ARHGAP39: variants seen among roughly 807,000 people sequenced by gnomAD.
ARHGAP39 encodes the protein rho GTPase-activating protein 39.
A neutral mutation model predicts 106.9 loss-of-function variants in ARHGAP39; 44 were observed. That is an observed-to-expected ratio of 0.41 (90% CI 0.32 to 0.53). ARHGAP39 has a LOEUF of 0.53. Ranked by LOEUF, ARHGAP39 falls within the 20% of genes least tolerant of loss-of-function variation. The pLI is 0.21. For missense variants in ARHGAP39, 1,496 were observed against 1,577.3 expected, an observed-to-expected ratio of 0.95 and a Z score of 0.87; for synonymous variants, 768 against 693.2, an observed-to-expected ratio of 1.11 and a Z score of -1.69.
chr8:144,628,866 C>A lies in ARHGAP39; in HGVS notation c.-81-23171G>T, dbSNP rs149469134. Among the ~76,000 whole-genome samples the A allele has an allele frequency of 6.5e-3, 992 of 152,336 alleles. 10 individuals are homozygous for A. Among genetic ancestry groups the A allele is most frequent in the African/African-American group, 0.023 (951 of 41,576 alleles). ...CCGCTGTGCCTGGGCGGGACTCATGCGATTCTTGTGATGGCAGGCGTGTCT... is the reference window on the plus strand; with the variant it reads ...CCGCTGTGCCTGGGCGGGACTCATGAGATTCTTGTGATGGCAGGCGTGTCT... On this transcript the variant is annotated intron_variant, in intron 1 of 11. Coordinates refer to ENST00000377307, the MANE Select transcript of ARHGAP39 (RefSeq NM_025251.3).
At chr8:144,556,929 T>G (rs1341531676) in intron 3 of ARHGAP39, among the ~76,000 whole-genome samples, 1 of 138,808 alleles carries the variant, frequency 7.2e-6, no homozygotes, top group Non-Finnish European at 1.5e-5. Flanking sequence ...CTTCATAGTA[T>G]TCAGAGGCAA....
At chr8:144,554,307 G>T (rs1033002879) in intron 4 of ARHGAP39, among the ~76,000 whole-genome samples, 2 of 152,206 alleles carry the variant, frequency 1.3e-5, no homozygotes, top group African/African-American at 4.8e-5. Flanking sequence ...GCTTAGCTCA[G>T]CGACCCACCC....
At chr8:144,592,933 C>T (rs529878792) in intron 2 of ARHGAP39, among the ~76,000 whole-genome samples, 13 of 152,168 alleles carry the variant, frequency 8.5e-5, no homozygotes, top group Non-Finnish European at 1.3e-4. Flanking sequence ...CTCGGCCCTC[C>T]ACCACAGAGG....
intron 3 of ARHGAP39, among the ~76,000 whole-genome samples, chr8:144,566,727 C>T (rs202183005): frequency 4.6e-5 from 7 of 151,970 alleles, no homozygotes; most frequent in Middle Eastern, 3.4e-3. Context: ...TGGTGGTGTG[C>T]GCCTGTAATC....
chr8:144,564,874 A>G (rs965709229), intron 3 of ARHGAP39, among the ~76,000 whole-genome samples: 1 of 151,794 alleles, frequency 6.6e-6, no homozygotes, highest in African/African-American at 2.4e-5. Context: ...TGGGAGGCCA[A>G]GATGGGGGCG....
chr8:144,603,015 G>C (rs1472728404), intron 2 of ARHGAP39, among the ~76,000 whole-genome samples: 1 of 136,538 alleles, frequency 7.3e-6, no homozygotes, highest in Non-Finnish European at 1.5e-5. Flanking sequence ...GTGTGTGCGA[G>C]CTCATGTATC....
At chr8:144,685,041 C>A (rs1822542993) in intron 1 of ARHGAP39, among the ~76,000 whole-genome samples, 5 of 152,150 alleles carry the variant, frequency 3.3e-5, no homozygotes, top group Admixed American at 2.6e-4. Flanking sequence ...GCGGCCGGTG[C>A]CCCGAGCTCA....
chr8:144,588,250 T>C, intron 2 of ARHGAP39, among the ~76,000 whole-genome samples: 1 of 152,180 alleles, frequency 6.6e-6, no homozygotes, highest in East Asian at 1.9e-4. Flanking sequence ...CCCCGAGGGC[T>C]CCTGAGCACG....
chr8:144,537,159 T>C (rs972498733), intron 7 of ARHGAP39, among the ~76,000 whole-genome samples: 2 of 145,470 alleles, frequency 1.4e-5, no homozygotes, highest in African/African-American at 5.1e-5. Context: ...GGTAGAGAGG[T>C]GGAAGCTGTG....
intron 7 of ARHGAP39, among the ~76,000 whole-genome samples, chr8:144,534,525 C>T (rs375958859): frequency 1.6e-4 from 25 of 152,330 alleles, no homozygotes; most frequent in East Asian, 7.7e-4. Flanking sequence ...GCTCCCTCCC[C>T]GGGGCCTGAC....
intron 4 of ARHGAP39, 73 bp downstream of exon 4, chr8:144,555,487 C>T: frequency 3.8e-6 from 5 of 1,318,346 alleles, no homozygotes; most frequent in Non-Finnish European, 4.4e-6. Flanking sequence ...GCACCTCCCA[C>T]TTGCAGTTAG....
At chr8:144,546,915 C>T (rs1156341318) in intron 5 of ARHGAP39, among the ~76,000 whole-genome samples, 1 of 152,236 alleles carries the variant, frequency 6.6e-6, no homozygotes, top group Non-Finnish European at 1.5e-5. Context: ...GAACGCCCAG[C>T]AGCCCACACC....
At position 144,547,309 on chromosome 8, in the gene ARHGAP39, G is replaced by A. The variant is rs762776968; in HGVS notation, c.1777C>T (p.Leu593=). 1.2e-6 allele frequency: 2 copies of A among 1,610,664 alleles called. No homozygotes were observed. Among genetic ancestry groups the A allele is most frequent in the African/African-American group, 2.7e-5 (2 of 74,918 alleles). The change falls in exon 5 of 12, where the codon CTG becomes TTG. Residue 593 remains leucine (L), a synonymous_variant. Transcript: ENST00000377307. This position sits in a 1 kb window ranked among gnomAD's most constrained non-coding sequence, Gnocchi z 5.2. ...CGCACCACCGGCCCGGGCATGGGCA[G>A]TGGCAGGGCGCCGTCGCTCTCGTAG... ...SGYESDGALP[L]PMPGPVVRAF... is the part of the protein sequence containing the mutation.
Position 144,604,179 on chromosome 8 carries a change from C to A in ARHGAP39, c.80+1356G>T, listed in dbSNP as rs531498396. Among the ~76,000 whole-genome samples, 1 of 152,272 alleles carries A rather than the reference C, an allele frequency of 6.6e-6. No homozygotes were observed. Among genetic ancestry groups the A allele is most frequent in the South Asian group, 2.1e-4 (1 of 4,820 alleles). ...CAGACACGGAGCCGGGCCCAGAGCG[C>A]CCAGAGGTGGCCGGGAGGCAGCAGC... On this transcript the variant is annotated intron_variant, in intron 2 of 11. Coordinates refer to ENST00000377307, the MANE Select transcript of ARHGAP39 (RefSeq NM_025251.3). The surrounding 1 kb of genome is among the most constrained non-coding windows in gnomAD (Gnocchi z 4.1).
Position 144,650,144 on chromosome 8 carries a change from G to GA in ARHGAP39, c.-82+35541dup, listed in dbSNP as rs1013543752. On this transcript the variant is annotated intron_variant, in intron 1 of 11. Transcript: ENST00000377307. Reference sequence around the variant, plus strand: ...GGCAATAGAGCAAGACTCTGTCTTGGAAAAAAAAAGAAAAAAAAAATTCCT... The same window carrying GA: ...GGCAATAGAGCAAGACTCTGTCTTGGAAAAAAAAAAGAAAAAAAAAATTCCT... Among the ~76,000 whole-genome samples, 30 of 146,702 alleles carry GA rather than the reference G, an allele frequency of 2.0e-4. No individual in the cohort carries two copies. The East Asian group carries it at 4.3e-3, about 21-fold the overall frequency.
intron 1 of ARHGAP39, among the ~76,000 whole-genome samples, chr8:144,663,421 A>G (rs1270616441): frequency 1.3e-5 from 2 of 152,110 alleles, no homozygotes; most frequent in Non-Finnish European, 2.9e-5. Flanking sequence ...ACAGCTCTCA[A>G]GGGAACTGAG....
chr8:144,597,124 G>A (rs1819651970), intron 2 of ARHGAP39, among the ~76,000 whole-genome samples: 1 of 152,216 alleles, frequency 6.6e-6, no homozygotes, highest in Non-Finnish European at 1.5e-5. Flanking sequence ...CTGGCTGACT[G>A]CCTGTGGAGC....
intron 1 of ARHGAP39, among the ~76,000 whole-genome samples, chr8:144,640,381 G>A (rs940218174): frequency 1.2e-4 from 18 of 152,120 alleles, no homozygotes; most frequent in Admixed American, 2.0e-4. Context: ...TGCTGTTTTC[G>A]TGATAGTGAA....
At chr8:144,697,712 G>A in the ARHGAP39 span, among the ~76,000 whole-genome samples, 3,719 of 151,964 alleles carry the variant, frequency 0.024, 432 homozygotes, top group East Asian at 0.36. Context: ...GGCTGGTCTC[G>A]AACTCCTGAC....
Sources: gnomAD v4.1 joint callset for allele counts (sites outside exome capture counted in the v4.1 genomes callset) on GRCh38, gnomAD v4.1.1 for gene constraint, Gnocchi (gnomAD v3.1) non-coding constraint, MANE v1.5 for transcripts, NCBI Gene and HGNC (gene_info 2026-07-23, HGNC 2026-07-21) for gene names.